SLC7A8: variants seen among roughly 807,000 people sequenced by gnomAD.
SLC7A8 encodes the protein solute carrier family 7 member 8.
A neutral mutation model predicts 51.2 loss-of-function variants in SLC7A8; 30 were observed. The ratio of observed to expected loss-of-function variants is 0.59; its 90% confidence interval spans 0.44 to 0.80. SLC7A8 has a LOEUF of 0.80. SLC7A8 is among the 30% of genes least tolerant of loss of function. The pLI is 0.00. For synonymous variants in SLC7A8, 257 were observed against 275.8 expected, an observed-to-expected ratio of 0.93 and a Z score of 0.67; for missense variants, 612 against 674.4, an observed-to-expected ratio of 0.91 and a Z score of 1.03.
At chr14:23,163,018 C>T (rs1304904564) in intron 3 of SLC7A8, among the ~76,000 whole-genome samples, 1 of 152,166 alleles carries the variant, frequency 6.6e-6, no homozygotes, top group Non-Finnish European at 1.5e-5. Flanking sequence ...GTGGCCTTGC[C>T]TCCCACCCTC....
At chr14:23,142,596 G>A (rs1316613448) in intron 4 of SLC7A8, among the ~76,000 whole-genome samples, 1 of 152,138 alleles carries the variant, frequency 6.6e-6, no homozygotes, top group African/African-American at 2.4e-5. Context: ...AAACTCCTGG[G>A]CTCAGGTGAT....
chr14:23,150,521 C>A (rs898074563), intron 3 of SLC7A8, among the ~76,000 whole-genome samples: 3 of 152,210 alleles, frequency 2.0e-5, no homozygotes, highest in Non-Finnish European at 4.4e-5. Context: ...TGGTGCCCTT[C>A]CCAGCTTAGT....
chr14:23,175,410 T>C (rs1487338621), intron 1 of SLC7A8, among the ~76,000 whole-genome samples: 1 of 152,216 alleles, frequency 6.6e-6, no homozygotes, highest in East Asian at 1.9e-4. Flanking sequence ...GGTTTCACCA[T>C]GTTGGCCAGG....
intron 1 of SLC7A8, among the ~76,000 whole-genome samples, chr14:23,168,200 G>A (rs2048959377): frequency 1.3e-5 from 2 of 152,158 alleles, no homozygotes; most frequent in African/African-American, 4.8e-5. Context: ...TCCTCTTCTT[G>A]TAAGTTTATG....
In SLC7A8 at chr14:23,144,341, A is replaced by AATT. The variant is rs375223021; in HGVS notation, c.509-1138_509-1137insAAT. On this transcript the variant is annotated intron_variant, in intron 3 of 10. Transcript: ENST00000316902. ...ATTTGGTATTGTCAGTTTAAACACA[A>AATT]TTTTTTTTTTTTTTTTTTTTTTGGC... is the stretch of plus-strand genomic sequence containing the variant. Among the ~76,000 whole-genome samples the AATT allele has an allele frequency of 5.8e-4, 66 of 114,322 alleles. 10 individuals are homozygous for AATT. Among genetic ancestry groups the AATT allele is most frequent in the Non-Finnish European group, 6.0e-4 (32 of 53,770 alleles). The allele number at this position is 114,322 out of a possible 152,430, so 75.0% of individuals were successfully genotyped here. A position where few individuals can be genotyped will look rare whatever the true frequency, so the allele number is the denominator to read the frequency against.
At chr14:23,159,526 T>A (rs1307278191) in intron 3 of SLC7A8, among the ~76,000 whole-genome samples, 3 of 152,232 alleles carry the variant, frequency 2.0e-5, no homozygotes, top group Non-Finnish European at 4.4e-5. Flanking sequence ...TGCCCAGGTA[T>A]CTGAAGGAAA....
intron 7 of SLC7A8, among the ~76,000 whole-genome samples, chr14:23,134,298 G>A (rs1025568475): frequency 5.9e-5 from 9 of 151,592 alleles, no homozygotes; most frequent in South Asian, 2.1e-4. Context: ...TTAGCCAGGC[G>A]TGGTAGAGCG....
intron 4 of SLC7A8, 44 bp downstream of exon 4, chr14:23,143,035 G>A: frequency 6.2e-7 from 1 of 1,608,744 alleles, no homozygotes; most frequent in Non-Finnish European, 8.5e-7. Flanking sequence ...GTACATGCAA[G>A]GGGAGGAAAG....
intron 7 of SLC7A8, among the ~76,000 whole-genome samples, chr14:23,131,870 T>C (rs1041335816): frequency 1.3e-4 from 20 of 152,238 alleles, no homozygotes; most frequent in Non-Finnish European, 2.6e-4. Flanking sequence ...CCTGGAAGGC[T>C]GCAGGAGCAG....
At chr14:23,172,283 C>T (rs1175402569) in intron 1 of SLC7A8, among the ~76,000 whole-genome samples, 1 of 152,164 alleles carries the variant, frequency 6.6e-6, no homozygotes, top group Admixed American at 6.5e-5. Context: ...ACTGTACAGC[C>T]AGGACTGTGA....
intron 8 of SLC7A8, 187 bp from the exon 9 acceptor site, chr14:23,129,986 T>G: frequency 1.6e-6 from 1 of 617,440 alleles, no homozygotes; most frequent in Non-Finnish European, 2.8e-6. Flanking sequence ...AGGAAATCCT[T>G]TCTTATTACA....
At chr14:23,160,049 A>C (rs1035730477) in intron 3 of SLC7A8, among the ~76,000 whole-genome samples, 1 of 152,220 alleles carries the variant, frequency 6.6e-6, no homozygotes, top group African/African-American at 2.4e-5. Context: ...CTCCAACCCC[A>C]AATGAGAGGA....
chr14:23,165,271 C>T lies in SLC7A8; in HGVS notation c.508+14G>A, dbSNP rs1243182246. 6.2e-7 allele frequency: 1 copy of T among 1,604,912 alleles called. No homozygotes were observed. ...AAGAGGCTGTCTTGCTACCAAGACC[C>T]AGATGACACTTACATAAGCAGATGG... On this transcript the variant is annotated intron_variant, in intron 3 of 10. Transcript: ENST00000316902. This position sits in a 1 kb window ranked among gnomAD's most constrained non-coding sequence, Gnocchi z 4.2.
chr14:23,163,684 CTAAGTG>C (rs1260936826), intron 3 of SLC7A8, among the ~76,000 whole-genome samples: 4 of 152,160 alleles, frequency 2.6e-5, no homozygotes, highest in Admixed American at 6.5e-5. Context: ...CTGCCCTCAG[CTAAGTG>C]TATGTGTGTT....
chr14:23,169,597 G>A (rs2048966347), intron 1 of SLC7A8, among the ~76,000 whole-genome samples: 1 of 152,076 alleles, frequency 6.6e-6, no homozygotes, highest in Admixed American at 6.5e-5. Context: ...AGTAGAGATG[G>A]GGTTTCACCA....
intron 8 of SLC7A8, 118 bp from the exon 9 acceptor site, chr14:23,129,917 G>T: frequency 8.8e-7 from 1 of 1,140,412 alleles, no homozygotes; most frequent in South Asian, 1.5e-5. Flanking sequence ...TGGATGTCTC[G>T]AAATGGAGAC....
chr14:23,146,885 C>T (rs1169589830), intron 3 of SLC7A8: 2 of 152,234 alleles, frequency 1.3e-5, no homozygotes, highest in Non-Finnish European at 2.9e-5. Context: ...TCGCCAAGCT[C>T]CTGCCCCGGT....
chr14:23,132,686 A>C (rs566242255), intron 7 of SLC7A8, among the ~76,000 whole-genome samples: 8 of 146,538 alleles, frequency 5.5e-5, no homozygotes, highest in Non-Finnish European at 1.5e-5. Context: ...CCCAGGCTGG[A>C]GTGCAATAGC....
At chr14:23,138,297 G>A (rs954431505) in intron 6 of SLC7A8, 4 of 380,872 alleles carry the variant, frequency 1.1e-5, no homozygotes, top group South Asian at 3.3e-5. Flanking sequence ...GTGAGGAACT[G>A]AGTCACATAG....
Sources: allele counts gnomAD v4.1 joint callset (sites outside exome capture counted in the v4.1 genomes callset), GRCh38; gene constraint gnomAD v4.1.1; non-coding constraint Gnocchi (gnomAD v3.1); transcripts MANE v1.5; gene names NCBI Gene and HGNC (gene_info 2026-07-23, HGNC 2026-07-21).